Variants in GSE1 observed in about 807,000 individuals in gnomAD.
GSE1 encodes genetic suppressor element 1.
A neutral mutation model predicts 112.6 loss-of-function variants in GSE1; 32 were observed. The observed-to-expected ratio is 0.28, with a 90% CI of 0.21 to 0.38. The LOEUF (loss-of-function observed/expected upper bound fraction) is 0.38, where lower values mean the gene tolerates loss of function less well. GSE1 is among the 10% of genes least tolerant of loss of function. The pLI is 1.00. For synonymous variants in GSE1, 1,115 were observed against 735.6 expected (o/e 1.52, Z -8.35); for missense variants, 2,348 against 1,699.2 (o/e 1.38, Z -6.71).
At chr16:85,613,308 C>G, upstream of GSE1, 1 of 1,546,402 alleles carries the variant, frequency 6.5e-7, no homozygotes, top group South Asian at 1.2e-5. Flanking sequence ...CGAGCAGCCC[C>G]GGGTGAGATA....
At chr16:85,453,822 C>T (rs951932680) in intron 2 of GSE1, among the ~76,000 whole-genome samples, 4 of 152,202 alleles carry the variant, frequency 2.6e-5, no homozygotes, top group African/African-American at 7.2e-5. Flanking sequence ...TGACCTCGGC[C>T]GGCCCCACTT....
intron 2 of GSE1, among the ~76,000 whole-genome samples, chr16:85,437,946 G>T (rs2049290640): frequency 6.6e-6 from 1 of 152,210 alleles, no homozygotes; most frequent in South Asian, 2.1e-4. Flanking sequence ...GTTGCATGGG[G>T]ATTAAGTCAC....
intron 1 of GSE1, among the ~76,000 whole-genome samples, chr16:85,177,517 G>A (rs1026560731): frequency 3.9e-5 from 6 of 152,198 alleles, no homozygotes; most frequent in Non-Finnish European, 7.3e-5. Flanking sequence ...CTCACTGGGC[G>A]ACCTTCATCC....
chr16:85,191,268 C>T (rs556198757), intron 1 of GSE1, among the ~76,000 whole-genome samples: 3 of 152,210 alleles, frequency 2.0e-5, no homozygotes, highest in South Asian at 4.2e-4. Flanking sequence ...TCAACAACAA[C>T]GACAACAAAA....
intron 3 of GSE1, among the ~76,000 whole-genome samples, chr16:85,652,319 C>G (rs1018988485): frequency 6.6e-6 from 1 of 152,242 alleles, no homozygotes; most frequent in African/African-American, 2.4e-5. Context: ...CCCACTACCC[C>G]GGTTGCTGAC....
chr16:85,202,290 G>T (rs755693943), intron 1 of GSE1, among the ~76,000 whole-genome samples: 2 of 152,256 alleles, frequency 1.3e-5, no homozygotes, highest in Non-Finnish European at 2.9e-5. Context: ...CTGAGTGTTA[G>T]GGTCTCTGGG....
intron 2 of GSE1, among the ~76,000 whole-genome samples, chr16:85,647,969 C>G (rs1435889365): frequency 6.6e-6 from 1 of 151,950 alleles, no homozygotes; most frequent in East Asian, 2.0e-4. Flanking sequence ...GGAGGGGGCG[C>G]CTTTTCCTGT....
intron 1 of GSE1, among the ~76,000 whole-genome samples, chr16:85,309,583 T>A (rs981610618): frequency 2.0e-5 from 3 of 152,238 alleles, no homozygotes; most frequent in African/African-American, 7.2e-5. Flanking sequence ...ACATCCAAAA[T>A]AGCGTCCTCG....
intron 1 of GSE1, among the ~76,000 whole-genome samples, chr16:85,235,969 G>T (rs1264234690): frequency 3.3e-5 from 5 of 151,946 alleles, no homozygotes; most frequent in Non-Finnish European, 7.4e-5. Flanking sequence ...GCCCCCTCCG[G>T]CGCCGGGCCT....
chr16:85,361,706 G>C (rs1432820700), intron 2 of GSE1, among the ~76,000 whole-genome samples: 1 of 152,240 alleles, frequency 6.6e-6, no homozygotes, highest in African/African-American at 2.4e-5. Flanking sequence ...AAGGAAGCAG[G>C]TACAGGAGGA....
chr16:85,654,518 C>G (rs775362475), intron 4 of GSE1, 68 bp downstream of exon 4: 1 of 1,373,746 alleles, frequency 7.3e-7, no homozygotes, highest in Admixed American at 2.1e-5. Flanking sequence ...GTCTGGGTCC[C>G]CAGGCAGCCT....
intron 2 of GSE1, among the ~76,000 whole-genome samples, chr16:85,636,631 A>G (rs531945800): frequency 3.2e-4 from 49 of 152,290 alleles, no homozygotes; most frequent in African/African-American, 1.1e-3. Context: ...ACAAGTCGCA[A>G]GACGGCAGCC....
At chr16:85,642,807 G>A (rs1004619889) in intron 2 of GSE1, among the ~76,000 whole-genome samples, 3 of 152,194 alleles carry the variant, frequency 2.0e-5, no homozygotes, top group African/African-American at 4.8e-5. Context: ...AGCCGAGCTC[G>A]GCTGGGGAGT....
At chr16:85,271,122 G>T (rs747322208) in intron 1 of GSE1, among the ~76,000 whole-genome samples, 2 of 152,122 alleles carry the variant, frequency 1.3e-5, no homozygotes, top group South Asian at 2.1e-4. Context: ...TGAATGCCCC[G>T]GGGAGGAGCC....
chr16:85,375,567 G>C lies in GSE1; in HGVS notation c.2464+17924G>C, dbSNP rs546135321. Among the ~76,000 whole-genome samples, 560 of 152,318 alleles carry C rather than the reference G, an allele frequency of 3.7e-3. 3 individuals are homozygous for C. Among genetic ancestry groups the C allele is most frequent in the Non-Finnish European group, 5.7e-3 (385 of 68,020 alleles). On this transcript the variant is annotated intron_variant, in intron 2 of 2. Coordinates refer to the GSE1 transcript ENST00000637419. ...CCCCAAGCCTGCCTGGGGCCATGCA[G>C]GGCTTAAGCGGTGGGTTTGCTGGTG... is the stretch of plus-strand genomic sequence containing the variant.
At chr16:85,229,565 C>A (rs769806106) in intron 1 of GSE1, among the ~76,000 whole-genome samples, 1 of 152,194 alleles carries the variant, frequency 6.6e-6, no homozygotes, top group Non-Finnish European at 1.5e-5. Context: ...GAGTTCCATT[C>A]TATAGAGAAG....
chr16:85,422,794 G>C (rs2048881818), intron 2 of GSE1, among the ~76,000 whole-genome samples: 2 of 152,116 alleles, frequency 1.3e-5, no homozygotes, highest in Admixed American at 1.3e-4. Flanking sequence ...CCCTGGGTTT[G>C]GACTCAGCAG....
At chr16:85,188,292 C>T (rs1179334393) in intron 1 of GSE1, among the ~76,000 whole-genome samples, 5 of 152,190 alleles carry the variant, frequency 3.3e-5, no homozygotes, top group African/African-American at 1.2e-4. Context: ...GCCCTGTTCC[C>T]TCATCTGTAT....
upstream of GSE1, among the ~76,000 whole-genome samples, chr16:85,612,895 C>A (rs976274745): frequency 7.3e-5 from 11 of 151,058 alleles, no homozygotes; most frequent in Non-Finnish European, 1.6e-4. Flanking sequence ...GCTCCGCTCA[C>A]GTGGCGAGGG....
Sources: allele counts gnomAD v4.1 joint callset (sites outside exome capture counted in the v4.1 genomes callset), GRCh38; gene constraint gnomAD v4.1.1; transcripts MANE v1.5; gene names NCBI Gene and HGNC (gene_info 2026-07-23, HGNC 2026-07-21).